Variants in GALNT17 observed in about 807,000 individuals in gnomAD.
GALNT17 encodes the protein UDP-GalNAc:polypeptide N-acetylgalactosaminyltransferase-like 3.
Under a neutral mutation model 63.7 loss-of-function variants are expected in GALNT17, and 29 were observed. The ratio of observed to expected loss-of-function variants is 0.46; its 90% CI spans 0.34 to 0.62. The LOEUF is 0.62. Among genes scored for constraint, GALNT17 ranks in the 20% least tolerant of loss-of-function variants. GALNT17 has a pLI of 0.01. For missense variants in GALNT17, 603 were observed against 799.6 expected, an observed-to-expected ratio of 0.75 and a Z score of 2.97; for synonymous variants, 305 against 318.3, an observed-to-expected ratio of 0.96 and a Z score of 0.45.
intron 5 of GALNT17, among the ~76,000 whole-genome samples, chr7:71,436,855 G>A (rs1030607970): frequency 6.6e-6 from 1 of 152,166 alleles, no homozygotes; most frequent in African/African-American, 2.4e-5. Flanking sequence ...TGGTCTAATG[G>A]AAGGCATATC....
chr7:71,183,517 TTC>T (rs1263294238), intron 1 of GALNT17, among the ~76,000 whole-genome samples: 1 of 152,142 alleles, frequency 6.6e-6, no homozygotes, highest in Non-Finnish European at 1.5e-5. Flanking sequence ...TAAGAGTTGA[TTC>T]CAGATATTGC....
intron 5 of GALNT17, among the ~76,000 whole-genome samples, chr7:71,490,234 G>C (rs147815210): frequency 0.02 from 2,967 of 150,186 alleles, 33 homozygotes; most frequent in Middle Eastern, 0.038. Flanking sequence ...TCTAGCCTGG[G>C]TGATAGGGCG....
At chr7:71,697,410 C>T (rs537859379) in intron 9 of GALNT17, among the ~76,000 whole-genome samples, 4 of 152,120 alleles carry the variant, frequency 2.6e-5, no homozygotes, top group African/African-American at 9.6e-5. Context: ...GGAGGACATG[C>T]AAATTTGTGG....
chr7:71,375,968 TTGACGGGGGC>T (rs1437185886), intron 2 of GALNT17, among the ~76,000 whole-genome samples: 2 of 152,054 alleles, frequency 1.3e-5, no homozygotes, highest in Non-Finnish European at 2.9e-5. Flanking sequence ...TCCCAGCTAC[TTGACGGGGGC>T]TGAGGTAGGA....
At chr7:71,458,926 G>T (rs986137257) in intron 5 of GALNT17, among the ~76,000 whole-genome samples, 2 of 152,132 alleles carry the variant, frequency 1.3e-5, no homozygotes, top group Non-Finnish European at 2.9e-5. Context: ...ATGTTTGGGT[G>T]TGAAAACAGG....
chr7:71,642,061 T>C (rs1790611445), intron 6 of GALNT17, among the ~76,000 whole-genome samples: 2 of 152,150 alleles, frequency 1.3e-5, no homozygotes, highest in Non-Finnish European at 2.9e-5. Context: ...CCCCCCACTA[T>C]GGGACAGGGC....
At chr7:71,245,553 G>A (rs971184452) in intron 1 of GALNT17, among the ~76,000 whole-genome samples, 7 of 152,128 alleles carry the variant, frequency 4.6e-5, no homozygotes, top group African/African-American at 1.7e-4. Context: ...GTGAAAGAGT[G>A]GAGACTTGGG....
chr7:71,321,208 T>C (rs1005949288), intron 1 of GALNT17, among the ~76,000 whole-genome samples: 5 of 152,192 alleles, frequency 3.3e-5, no homozygotes, highest in Non-Finnish European at 7.3e-5. Context: ...TCAGCCTTTT[T>C]CCCCCTTGTG....
intron 3 of GALNT17, among the ~76,000 whole-genome samples, chr7:71,389,579 C>T (rs550382507): frequency 8.5e-5 from 13 of 152,218 alleles, no homozygotes; most frequent in African/African-American, 2.9e-4. Context: ...GGTTGAGGAC[C>T]GCTGCTCTAG....
At chr7:71,547,590 A>G (rs1242284940) in intron 5 of GALNT17, among the ~76,000 whole-genome samples, 2 of 152,032 alleles carry the variant, frequency 1.3e-5, no homozygotes, top group African/African-American at 4.8e-5. Context: ...CCCAGCCTTA[A>G]ATTCTGTTTC....
intron 5 of GALNT17, among the ~76,000 whole-genome samples, chr7:71,530,419 A>G (rs938546462): frequency 1.3e-5 from 2 of 152,108 alleles, no homozygotes; most frequent in Non-Finnish European, 2.9e-5. Flanking sequence ...CTCATTTTCT[A>G]TCTCAGTTAT....
chr7:71,547,868 T>A (rs1167745286), intron 5 of GALNT17, among the ~76,000 whole-genome samples: 1 of 152,136 alleles, frequency 6.6e-6, no homozygotes, highest in Non-Finnish European at 1.5e-5. Context: ...GTGATTTTTT[T>A]AAGGACACTT....
chr7:71,463,370 G>A (rs1179691144), intron 5 of GALNT17, among the ~76,000 whole-genome samples: 1 of 152,152 alleles, frequency 6.6e-6, no homozygotes, highest in Non-Finnish European at 1.5e-5. Context: ...AGTGTCTAGT[G>A]CTACAGGACT....
intron 1 of GALNT17, among the ~76,000 whole-genome samples, chr7:71,259,438 A>C (rs548930887): frequency 2.0e-5 from 3 of 152,160 alleles, no homozygotes; most frequent in Non-Finnish European, 4.4e-5. Flanking sequence ...TCAATTGCCC[A>C]AGGTGATAGA....
At chr7:71,181,587 G>A (rs991517987) in intron 1 of GALNT17, among the ~76,000 whole-genome samples, 11 of 152,232 alleles carry the variant, frequency 7.2e-5, no homozygotes, top group African/African-American at 2.6e-4. Context: ...CTTGATGGGG[G>A]CTGGGCACGG....
intron 5 of GALNT17, among the ~76,000 whole-genome samples, chr7:71,551,310 T>C (rs1204145347): frequency 6.6e-6 from 1 of 152,200 alleles, no homozygotes; most frequent in East Asian, 1.9e-4. Context: ...CTTTTTCAAA[T>C]ATGTTGTGCT....
intron 5 of GALNT17, among the ~76,000 whole-genome samples, chr7:71,520,389 G>T (rs1230819058): frequency 6.6e-6 from 1 of 152,118 alleles, no homozygotes; most frequent in Non-Finnish European, 1.5e-5. Flanking sequence ...TGGGTGTGGT[G>T]GTGCAGACCT....
At chr7:71,230,146 C>T (rs1789760692) in intron 1 of GALNT17, among the ~76,000 whole-genome samples, 1 of 152,070 alleles carries the variant, frequency 6.6e-6, no homozygotes, top group South Asian at 2.1e-4. Context: ...GCTGCTTTTT[C>T]TCTGTGTGCC....
intron 5 of GALNT17, among the ~76,000 whole-genome samples, chr7:71,561,822 C>G (rs946196485): frequency 6.6e-6 from 1 of 151,826 alleles, no homozygotes; most frequent in African/African-American, 2.4e-5. Context: ...GGCATCCAAG[C>G]GGGAGAATGT....
Sources: allele counts gnomAD v4.1 joint callset (sites outside exome capture counted in the v4.1 genomes callset), GRCh38; gene constraint gnomAD v4.1.1; transcripts MANE v1.5; gene names NCBI Gene and HGNC (gene_info 2026-07-23, HGNC 2026-07-21).